SQSTM1: variants seen among roughly 807,000 people sequenced by gnomAD.
SQSTM1 encodes sequestosome 1, also known as sequestosome-1.
SQSTM1 carries 36 observed loss-of-function variants against 45.1 expected under a neutral mutation model. That is an observed-to-expected ratio of 0.80 (90% CI 0.61 to 1.05). SQSTM1 has a LOEUF of 1.05. SQSTM1 is among the 50% of genes least tolerant of loss of function. The pLI is 0.00. For missense variants in SQSTM1, 617 were observed against 607.1 expected (o/e 1.02, Z -0.17); for synonymous variants, 290 against 244.3 (o/e 1.19, Z -1.74).
intron 5 of SQSTM1, among the ~76,000 whole-genome samples, chr5:179,830,421 G>T (rs1166077326): frequency 1.3e-5 from 2 of 152,034 alleles, no homozygotes; most frequent in African/African-American, 2.4e-5. Flanking sequence ...TTTTGAAACC[G>T]GGTCTCACTG....
intron 7 of SQSTM1, 144 bp from the exon 8 acceptor site, chr5:179,836,292 C>T: frequency 2.8e-6 from 3 of 1,074,472 alleles, no homozygotes; most frequent in Non-Finnish European, 4.3e-6. Context: ...AGCAGGTCCA[C>T]TGTGGCCTGT....
intron 7 of SQSTM1, 115 bp downstream of exon 7, chr5:179,833,897 G>C: frequency 3.4e-6 from 4 of 1,179,998 alleles, no homozygotes; most frequent in African/African-American, 1.5e-5. Flanking sequence ...CTGCAGGGCT[G>C]TCTGTAGGTG....
Position 179,836,415 on chromosome 5 carries a change from G to T in SQSTM1, c.1166-21G>T, listed in dbSNP as rs759165538. The stretch of plus-strand genomic sequence containing the variant: ...ACAGGGCTCAGCACCACTCCTCATG[G>T]CTTCCTTACTGTTTCGGCAGAGGCT... On this transcript the variant is annotated intron_variant, in intron 7 of 7. Coordinates refer to ENST00000389805, the MANE Select transcript of SQSTM1 (RefSeq NM_003900.5). 3 of 1,614,044 alleles carry T rather than the reference G, an allele frequency of 1.9e-6. No individual in the cohort carries two copies. The African/African-American group carries it at 4.0e-5, about 22-fold the overall frequency.
intron 5 of SQSTM1, among the ~76,000 whole-genome samples, chr5:179,828,407 C>G (rs1420979312): frequency 8.8e-4 from 55 of 62,676 alleles, no homozygotes; most frequent in African/African-American, 3.4e-3. Flanking sequence ...GACTTTTGCT[C>G]TTGTTGTCCA....
At chr5:179,821,319 CTGGTGACTGGAG>C (rs1757766398) in intron 1 of SQSTM1, among the ~76,000 whole-genome samples, 178 bp downstream of exon 1, 2 of 152,206 alleles carry the variant, frequency 1.3e-5, no homozygotes, top group Admixed American at 6.5e-5. Context: ...GGGAGCCGGC[CTGGTGACTGGAG>C]TGGTGACCAA....
Position 179,806,938 on chromosome 5 carries a change from C to CGGCCTGGCTCTGG in SQSTM1, c.-157+354_-157+355insCTCTGGGGCCTGG, listed in dbSNP as rs1554160014. On this transcript the variant is annotated intron_variant, in intron 1 of 5. Transcript: ENST00000514093. This position sits in a 1 kb window ranked among gnomAD's most constrained non-coding sequence, Gnocchi z 4.6. Reference sequence around the variant, plus strand: ...GGGCTGGGCGGCGAGAGCCGCGGCCCGGCCTGGATCTGGGGCCTGGATCTG... The same window carrying CGGCCTGGCTCTGG: ...GGGCTGGGCGGCGAGAGCCGCGGCCCGGCCTGGCTCTGGGGCCTGGATCTGGGGCCTGGATCTG... 2.7e-5 allele frequency: 4 copies of CGGCCTGGCTCTGG among 149,582 alleles called. No individual in the cohort carries two copies. Among genetic ancestry groups the CGGCCTGGCTCTGG allele is most frequent in the African/African-American group, 9.7e-5 (4 of 41,132 alleles). 9.3% of individuals were successfully genotyped at this position (149,582 alleles called of 1,614,324 possible). A position where few individuals can be genotyped will look rare whatever the true frequency, so the allele number is the denominator to read the frequency against.
chr5:179,821,210 GC>G, intron 1 of SQSTM1, 69 bp downstream of exon 1: 11 of 1,289,288 alleles, frequency 8.5e-6, no homozygotes, highest in Middle Eastern at 2.9e-4. Context: ...CGGGGTGGCT[GC>G]CCCCTCCCTT....
chr5:179,826,397 C>G (rs1365260212), intron 5 of SQSTM1, among the ~76,000 whole-genome samples: 1 of 151,736 alleles, frequency 6.6e-6, no homozygotes, highest in Non-Finnish European at 1.5e-5. Context: ...GAACTTCTGA[C>G]CTCAGGTGAT....
At chr5:179,833,542 C>G in intron 6 of SQSTM1, 45 bp from the exon 7 acceptor site, 2 of 1,605,986 alleles carry the variant, frequency 1.2e-6, no homozygotes, top group Middle Eastern at 1.7e-4. Flanking sequence ...CAGGCTTGGC[C>G]TGTTGCGCGT....
upstream of SQSTM1, among the ~76,000 whole-genome samples, chr5:179,818,724 CG>C (rs1192515800): frequency 1.3e-5 from 2 of 152,204 alleles, no homozygotes; most frequent in Non-Finnish European, 2.9e-5. Context: ...CGCACACCCA[CG>C]GGGCATCGCC....
At chr5:179,831,481 G>A (rs553807295) in intron 5 of SQSTM1, among the ~76,000 whole-genome samples, 12 of 152,306 alleles carry the variant, frequency 7.9e-5, no homozygotes, top group African/African-American at 2.9e-4. Context: ...GGCCAACATG[G>A]TGAAACCCCG....
chr5:179,837,419 G>T lies in SQSTM1; in HGVS notation c.*826G>T, dbSNP rs1310968250. The T allele has an allele frequency of 1.2e-5, 19 of 1,602,474 alleles. No homozygotes were observed. Among genetic ancestry groups the T allele is most frequent in the East Asian group, 4.5e-5 (2 of 44,758 alleles). ...CACATCATCATCGAAGTCTTCCCCA[G>T]TTATAAAGAGGTCACATAGTCGTGT... On this transcript the variant is annotated 3_prime_UTR_variant, in exon 8 of 8. Transcript: ENST00000389805.
chr5:179,829,344 G>A (rs1758120991), intron 5 of SQSTM1, among the ~76,000 whole-genome samples: 1 of 152,206 alleles, frequency 6.6e-6, no homozygotes, highest in Non-Finnish European at 1.5e-5. Context: ...AGACCCCCAG[G>A]CACCCTGCAG....
chr5:179,809,131 A>G (rs1757312276), intron 1 of SQSTM1, among the ~76,000 whole-genome samples: 1 of 137,098 alleles, frequency 7.3e-6, no homozygotes, highest in African/African-American at 2.7e-5. Context: ...TGCTGGGATT[A>G]CAGGCGTGAG....
At position 179,806,437 on chromosome 5, in the gene SQSTM1, C is replaced by T. The variant is rs1344339324; in HGVS notation, c.-311C>T. 4.4e-6 allele frequency: 5 copies of T among 1,130,844 alleles called. No individual in the cohort carries two copies. The highest frequency in any genetic ancestry group is 5.5e-6 in the Non-Finnish European group (5 of 904,624). 70.1% of individuals were successfully genotyped at this position (1,130,844 alleles called of 1,614,324 possible). A position where few individuals can be genotyped will look rare whatever the true frequency, so the allele number is the denominator to read the frequency against. ...CGGCCACCGCCGGGCCCGCTCCCGC[C>T]GCCGACGCCCAGGTGCGCCAGGTGC... is the stretch of plus-strand genomic sequence containing the variant. On this transcript the variant is annotated 5_prime_UTR_variant, in exon 1 of 6. Coordinates refer to the SQSTM1 transcript ENST00000514093. The surrounding 1 kb of genome is among the most constrained non-coding windows in gnomAD (Gnocchi z 4.6).
chr5:179,836,356 G>T (rs1758553326), intron 7 of SQSTM1, 80 bp from the exon 8 acceptor site: 5 of 1,598,170 alleles, frequency 3.1e-6, no homozygotes, highest in Non-Finnish European at 4.3e-6. Flanking sequence ...GTCCTGGCTG[G>T]CCAAGGCAGC....
intron 7 of SQSTM1, among the ~76,000 whole-genome samples, chr5:179,834,043 A>AAACTT (rs1190810144): frequency 6.6e-6 from 1 of 151,922 alleles, no homozygotes; most frequent in Non-Finnish European, 1.5e-5. Context: ...GGAGTTTCTA[A>AAACTT]AACTTAACAT....
At chr5:179,819,415 C>T (rs272449), upstream of SQSTM1, among the ~76,000 whole-genome samples, 701 of 151,142 alleles carry the variant, frequency 4.6e-3, 5 homozygotes, top group African/African-American at 0.016. Flanking sequence ...AGCAAAGGAG[C>T]TCCTTCTTGG....
chr5:179,831,548 G>A (rs1758219130), intron 5 of SQSTM1, among the ~76,000 whole-genome samples: 1 of 152,100 alleles, frequency 6.6e-6, no homozygotes, highest in Admixed American at 6.5e-5. Flanking sequence ...TATAGTCCCA[G>A]CTACTCGGGA....
Sources: gnomAD v4.1 joint callset for allele counts (sites outside exome capture counted in the v4.1 genomes callset) on GRCh38, gnomAD v4.1.1 for gene constraint, Gnocchi (gnomAD v3.1) non-coding constraint, MANE v1.5 for transcripts, NCBI Gene and HGNC (gene_info 2026-07-23, HGNC 2026-07-21) for gene names.